Variants in PTPRD observed in about 807,000 individuals in gnomAD.
PTPRD encodes receptor-type tyrosine-protein phosphatase delta.
PTPRD carries 34 observed loss-of-function variants against 214.5 expected under a neutral mutation model. The observed-to-expected ratio is 0.16, with a 90% confidence interval of 0.12 to 0.21. The LOEUF is 0.21. Among genes scored for constraint, PTPRD ranks in the 10% least tolerant of loss-of-function variants. The pLI is 1.00. For synonymous variants in PTPRD, 1,128 were observed against 845.7 expected, an observed-to-expected ratio of 1.33 and a Z score of -5.79; for missense variants, 2,545 against 2,398.7, an observed-to-expected ratio of 1.06 and a Z score of -1.27.
At chr9:10,065,779 G>T (rs894684716) in intron 3 of PTPRD, among the ~76,000 whole-genome samples, 3 of 151,800 alleles carry the variant, frequency 2.0e-5, no homozygotes, top group African/African-American at 7.3e-5. Flanking sequence ...AAAGAAACGG[G>T]GAAGAAAAGT....
chr9:8,520,334 C>T (rs2097862855), intron 20 of PTPRD, among the ~76,000 whole-genome samples: 1 of 152,040 alleles, frequency 6.6e-6, no homozygotes. Context: ...TTTTATATAG[C>T]ATATATTTGA....
At chr9:8,324,802 G>A (rs1831964994) in intron 44 of PTPRD, among the ~76,000 whole-genome samples, 1 of 151,632 alleles carries the variant, frequency 6.6e-6, no homozygotes. Flanking sequence ...TCTAATTGGT[G>A]TAAGATGGTA....
chr9:9,214,778 T>C (rs1015640652), intron 9 of PTPRD, among the ~76,000 whole-genome samples: 7 of 152,210 alleles, frequency 4.6e-5, no homozygotes, highest in Admixed American at 1.3e-4. Flanking sequence ...TAGTGCCTAC[T>C]GTGTGGTTGG....
chr9:8,334,246 A>G (rs1844421307), intron 43 of PTPRD, among the ~76,000 whole-genome samples: 1 of 152,122 alleles, frequency 6.6e-6, no homozygotes, highest in African/African-American at 2.4e-5. Context: ...TCAACACCAC[A>G]TTGCACTTAT....
At chr9:9,299,898 A>T (rs1182823094) in intron 9 of PTPRD, among the ~76,000 whole-genome samples, 1 of 150,776 alleles carries the variant, frequency 6.6e-6, no homozygotes, top group Admixed American at 6.7e-5. Context: ...ACTAAGATCT[A>T]ATTTATACAT....
chr9:10,504,794 T>G (rs1379033647), intron 2 of PTPRD, among the ~76,000 whole-genome samples: 1 of 152,210 alleles, frequency 6.6e-6, no homozygotes, highest in East Asian at 1.9e-4. Flanking sequence ...TCATGTCCTT[T>G]TTCAATTCAT....
At chr9:10,190,686 C>T (rs2099359901) in intron 3 of PTPRD, among the ~76,000 whole-genome samples, 2 of 141,536 alleles carry the variant, frequency 1.4e-5, no homozygotes, top group South Asian at 4.5e-4. Context: ...CCATTGCACT[C>T]CAGCCTGGGC....
intron 3 of PTPRD, among the ~76,000 whole-genome samples, chr9:10,225,824 A>G (rs1265017852): frequency 2.0e-5 from 3 of 152,090 alleles, no homozygotes; most frequent in Non-Finnish European, 4.4e-5. Flanking sequence ...GAATGTGTTA[A>G]GGTGTATTGG....
chr9:8,425,558 T>C (rs1243953361), intron 35 of PTPRD, among the ~76,000 whole-genome samples: 4 of 152,200 alleles, frequency 2.6e-5, no homozygotes, highest in Admixed American at 6.5e-5. Context: ...GGGCTTGCAT[T>C]TCTGGCAAAC....
At chr9:10,499,220 T>C (rs2133130313) in intron 2 of PTPRD, among the ~76,000 whole-genome samples, 1 of 151,974 alleles carries the variant, frequency 6.6e-6, no homozygotes, top group African/African-American at 2.4e-5. Flanking sequence ...AAGCTTGAGG[T>C]TTTTAAAATG....
intron 8 of PTPRD, among the ~76,000 whole-genome samples, chr9:9,446,361 T>C (rs544996362): frequency 2.9e-4 from 44 of 152,274 alleles, no homozygotes; most frequent in African/African-American, 9.4e-4. Context: ...TTATGTTCCA[T>C]TGTGACCCAT....
At chr9:9,022,425 C>T (rs2099573071) in intron 10 of PTPRD, among the ~76,000 whole-genome samples, 1 of 151,920 alleles carries the variant, frequency 6.6e-6, no homozygotes, top group African/African-American at 2.4e-5. Context: ...TTTATTGTAC[C>T]TTTTCCTTGT....
intron 14 of PTPRD, among the ~76,000 whole-genome samples, chr9:8,564,626 G>C (rs1045110891): frequency 1.3e-4 from 20 of 152,210 alleles, no homozygotes; most frequent in African/African-American, 1.2e-4. Context: ...TTTGAACTTA[G>C]GAGGCGGAAG....
chr9:8,357,217 T>C (rs1389860400), intron 39 of PTPRD, among the ~76,000 whole-genome samples: 1 of 152,226 alleles, frequency 6.6e-6, no homozygotes, highest in East Asian at 1.9e-4. Flanking sequence ...ACTCTTTTCC[T>C]CATTCTCCAG....
intron 2 of PTPRD, among the ~76,000 whole-genome samples, chr9:10,559,998 T>G (rs1251222801): frequency 2.6e-5 from 4 of 152,210 alleles, no homozygotes; most frequent in South Asian, 2.1e-4. Flanking sequence ...GAAGTCAGTG[T>G]GGCGATTCTT....
At chr9:8,743,059 C>T (rs926810929) in intron 11 of PTPRD, among the ~76,000 whole-genome samples, 3 of 150,354 alleles carry the variant, frequency 2.0e-5, no homozygotes, top group Non-Finnish European at 3.0e-5. Context: ...AGGTGGGAAA[C>T]CCTGTCCTAG....
chr9:9,873,534 C>A (rs1409843781), intron 5 of PTPRD, among the ~76,000 whole-genome samples: 2 of 151,896 alleles, frequency 1.3e-5, no homozygotes, highest in Non-Finnish European at 2.9e-5. Context: ...TAATTTACCA[C>A]AGAGTCCAAG....
chr9:9,139,654 C>A (rs1472380675), intron 10 of PTPRD, among the ~76,000 whole-genome samples: 2 of 152,078 alleles, frequency 1.3e-5, no homozygotes, highest in African/African-American at 4.8e-5. Flanking sequence ...TGGGACTGCA[C>A]AAGATTTTCA....
intron 10 of PTPRD, among the ~76,000 whole-genome samples, chr9:9,026,080 G>A (rs532918949): frequency 5.9e-5 from 9 of 151,986 alleles, no homozygotes; most frequent in South Asian, 2.1e-4. Context: ...GGGTATTGTG[G>A]TAGTGAATGG....
Sources: allele counts gnomAD v4.1 joint callset (sites outside exome capture counted in the v4.1 genomes callset), GRCh38; gene constraint gnomAD v4.1.1; transcripts MANE v1.5; gene names NCBI Gene and HGNC (gene_info 2026-07-23, HGNC 2026-07-21).